ZNF721: variants seen among roughly 807,000 people sequenced by gnomAD.
ZNF721 encodes zinc finger protein 721.
Under a neutral mutation model 2.4 loss-of-function variants are expected in ZNF721, and 2 were observed. The observed-to-expected ratio is 0.82, with a 90% CI of 0.34 to 2.58. The LOEUF (loss-of-function observed/expected upper bound fraction) is 2.58. Among genes scored for constraint, ZNF721 ranks in the 30% most tolerant of loss-of-function variants. ZNF721 has a pLI of 0.11. For missense variants in ZNF721, 1,187 were observed against 1,085.5 expected (o/e 1.09, Z -1.31); for synonymous variants, 398 against 381.8 (o/e 1.04, Z -0.50).
At chr4:488,129 T>G (rs1715940689) in intron 1 of ZNF721, among the ~76,000 whole-genome samples, 1 of 152,232 alleles carries the variant, frequency 6.6e-6, no homozygotes, top group Non-Finnish European at 1.5e-5. Flanking sequence ...TTGGGCTGCT[T>G]GCTGGGGCCC....
chr4:473,652 G>A (rs544118333), intron 1 of ZNF721, among the ~76,000 whole-genome samples: 8 of 152,336 alleles, frequency 5.3e-5, no homozygotes, highest in Non-Finnish European at 7.4e-5. Context: ...CGTAAAGTAG[G>A]GACAGGACCC....
At chr4:465,999 CTTT>C (rs1205295172) in intron 2 of ZNF721, among the ~76,000 whole-genome samples, 8 of 134,232 alleles carry the variant, frequency 6.0e-5, no homozygotes, top group Admixed American at 7.5e-5. Context: ...TTTTTCTTTT[CTTT>C]TTTTTTTTTT....
At chr4:456,048 A>ATTTT (rs1262797403) in intron 2 of ZNF721, among the ~76,000 whole-genome samples, 20 of 110,892 alleles carry the variant, frequency 1.8e-4, no homozygotes, top group Admixed American at 3.7e-4. Context: ...CACCAAAAAA[A>ATTTT]TTTTTATTTA....
At chr4:470,657 T>C (rs552258843) in intron 2 of ZNF721, among the ~76,000 whole-genome samples, 1 of 152,082 alleles carries the variant, frequency 6.6e-6, no homozygotes, top group East Asian at 1.9e-4. Context: ...GAGATTGCAG[T>C]GAGCCGAGAT....
intron 1 of ZNF721, chr4:474,032 AC>A (rs1560238865): frequency 6.7e-7 from 1 of 1,496,234 alleles, no homozygotes; most frequent in East Asian, 3.0e-5. Flanking sequence ...ATCATCCAAT[AC>A]CCGCAGGTTA....
At chr4:451,467 C>T (rs542855007) in intron 2 of ZNF721, among the ~76,000 whole-genome samples, 4 of 152,240 alleles carry the variant, frequency 2.6e-5, no homozygotes, top group East Asian at 1.9e-4. Context: ...CATAGCATGA[C>T]GAAGCTTCAT....
chr4:479,599 G>C lies in ZNF721; in HGVS notation c.-93-6898C>G, dbSNP rs147972137. Among the ~76,000 whole-genome samples, 33 of 152,366 alleles carry C rather than the reference G, an allele frequency of 2.2e-4. No individual in the cohort carries two copies. The South Asian group carries it at 4.1e-3, about 19-fold the overall frequency. On this transcript the variant is annotated intron_variant, in intron 1 of 2. Transcript: ENST00000511833. Reference sequence around the variant, plus strand: ...CAGTGACAGATGCAAGGGCCCTGATGAGAGGGGTGATGGCCTGAGGGCTCC... The same window carrying C: ...CAGTGACAGATGCAAGGGCCCTGATCAGAGGGGTGATGGCCTGAGGGCTCC...
Position 444,236 on chromosome 4 carries a change from C to T in ZNF721, c.231G>A (p.Gln77=). The part of the protein sequence containing the change: ...NGINKCLSNT[Q]SKIFQCNARV... ...GTGCATTACATTGAAATATTTTGCT[C>T]TGAGTATTTGACAAGCATTTATTAA... Residue 77 remains glutamine, a synonymous_variant, in exon 3 of 3, where the codon CAG becomes CAA. Coordinates refer to ENST00000511833, the MANE Select transcript of ZNF721 (RefSeq NM_133474.4). 1 of 1,613,622 alleles carries T rather than the reference C, an allele frequency of 6.2e-7. No homozygotes were observed. Among genetic ancestry groups the T allele is most frequent in the Non-Finnish European group, 8.5e-7 (1 of 1,179,708 alleles).
chr4:448,233 G>A (rs1476056173), intron 2 of ZNF721, among the ~76,000 whole-genome samples: 1 of 151,944 alleles, frequency 6.6e-6, no homozygotes, highest in Admixed American at 6.6e-5. Context: ...TGGTATGAAT[G>A]TAGAATAAAA....
At chr4:452,509 G>A (rs185699173) in intron 2 of ZNF721, among the ~76,000 whole-genome samples, 144 of 152,260 alleles carry the variant, frequency 9.5e-4, no homozygotes, top group Non-Finnish European at 5.4e-4. Context: ...AAAACGCTAT[G>A]ACTTTCACTG....
At chr4:453,257 G>T (rs1028661249) in intron 2 of ZNF721, among the ~76,000 whole-genome samples, 1 of 152,348 alleles carries the variant, frequency 6.6e-6, no homozygotes, top group Admixed American at 6.5e-5. Flanking sequence ...AGAGGGATTT[G>T]TCAGTTGTAT....
chr4:481,823 G>A (rs1715776556), intron 1 of ZNF721, among the ~76,000 whole-genome samples: 1 of 152,210 alleles, frequency 6.6e-6, no homozygotes, highest in Non-Finnish European at 1.5e-5. Context: ...CAGAATCTGT[G>A]CTTCTCAGCT....
chr4:460,423 A>G (rs1242193818), intron 2 of ZNF721, among the ~76,000 whole-genome samples: 7 of 152,204 alleles, frequency 4.6e-5, no homozygotes, highest in Non-Finnish European at 1.0e-4. Flanking sequence ...AATCTCTGGT[A>G]CACAGCCAAA....
chr4:472,236 A>G (rs1553867769), intron 2 of ZNF721, among the ~76,000 whole-genome samples: 3 of 152,050 alleles, frequency 2.0e-5, no homozygotes, highest in African/African-American at 7.2e-5. Flanking sequence ...AGTTTTTTGT[A>G]TTTTTAGTAG....
intron 2 of ZNF721, among the ~76,000 whole-genome samples, chr4:458,052 G>C (rs1339011987): frequency 6.6e-6 from 1 of 152,126 alleles, no homozygotes; most frequent in Admixed American, 6.5e-5. Context: ...GGTCAGTACT[G>C]CTCATTTAGG....
chr4:474,130 A>C, intron 1 of ZNF721: 2 of 1,008,382 alleles, frequency 2.0e-6, no homozygotes, highest in South Asian at 2.7e-5. Context: ...AACCGAGCTC[A>C]GGCTGAAGCA....
rs1553866074 is a variant in ZNF721, at chr4:461,419, ACT to A, written c.34+11154_34+11155del. On this transcript the variant is annotated intron_variant, in intron 2 of 2. Transcript: ENST00000511833. ...AATTCAACACCCCTTCATGCTAAAA[ACT>A]CTCAATCAACTAGGTACTGATGGAA... Among the ~76,000 whole-genome samples the A allele has an allele frequency of 4.6e-5, 7 of 152,260 alleles. No individual in the cohort carries two copies. In the South Asian group the frequency reaches 1.5e-3, roughly 32 times the overall value.
chr4:443,625 T>A lies in ZNF721; in HGVS notation c.842A>T (p.Glu281Val). 6.2e-7 allele frequency: 1 copy of A among 1,614,022 alleles called. No individual in the cohort carries two copies. The highest frequency in any genetic ancestry group is 1.3e-5 in the African/African-American group (1 of 75,038). The change falls in exon 3 of 3, where the codon GAA becomes GTA. Residue 281 changes from glutamate to valine, a missense_variant. Glu to Val is a moderately radical substitution (Grantham distance 121). Coordinates refer to ENST00000511833, the MANE Select transcript of ZNF721 (RefSeq NM_133474.4). ...HTGEKPFKCL[E>V]CGKAFNISTT... The stretch of plus-strand genomic sequence containing the variant: ...GGAAATATTAAAGGCTTTACCACAT[T>A]CTAAACATTTAAAGGGTTTCTCGCC...
At chr4:453,602 C>T (rs1293695267) in intron 2 of ZNF721, 1 of 152,228 alleles carries the variant, frequency 6.6e-6, no homozygotes, top group Non-Finnish European at 1.5e-5. Flanking sequence ...GCACATGTGT[C>T]TTTGTATCTG....
Sources: gnomAD v4.1 joint callset for allele counts (sites outside exome capture counted in the v4.1 genomes callset) on GRCh38, gnomAD v4.1.1 for gene constraint, MANE v1.5 for transcripts, NCBI Gene and HGNC (gene_info 2026-07-23, HGNC 2026-07-21) for gene names.